The following PSMA1 variants were observed in gnomAD, a reference collection of about 807,000 sequenced individuals.
PSMA1 encodes proteasome subunit alpha type-1.
A neutral mutation model predicts 38.4 loss-of-function variants in PSMA1; 3 were observed. The ratio of observed to expected loss-of-function variants is 0.08; its 90% CI spans 0.04 to 0.20. The LOEUF is 0.20. Among genes scored for constraint, PSMA1 ranks in the 10% least tolerant of loss-of-function variants. PSMA1 has a pLI of 1.00. For missense variants in PSMA1, 227 were observed against 325.3 expected, an observed-to-expected ratio of 0.70 and a Z score of 2.32; for synonymous variants, 101 against 107.1, an observed-to-expected ratio of 0.94 and a Z score of 0.35.
chr11:14,642,206 G>A (rs1185171403), intron 1 of PSMA1, among the ~76,000 whole-genome samples: 1 of 152,118 alleles, frequency 6.6e-6, no homozygotes, highest in Non-Finnish European at 1.5e-5. Flanking sequence ...AATAATGCTG[G>A]TGCTAGTTTT....
intron 2 of PSMA1, among the ~76,000 whole-genome samples, chr11:14,552,173 C>A (rs1851892887): frequency 6.6e-6 from 1 of 152,134 alleles, no homozygotes; most frequent in Non-Finnish European, 1.5e-5. Flanking sequence ...AGAAAGATAG[C>A]AAGACCTCAG....
At chr11:14,508,762 G>C (rs575170203) in intron 8 of PSMA1, among the ~76,000 whole-genome samples, 2 of 152,210 alleles carry the variant, frequency 1.3e-5, no homozygotes, top group African/African-American at 4.8e-5. Context: ...TCCACTATCA[G>C]GTTTTTGCCT....
chr11:14,570,116 A>G (rs1852120134), intron 2 of PSMA1, among the ~76,000 whole-genome samples: 1 of 152,234 alleles, frequency 6.6e-6, no homozygotes. Flanking sequence ...GTGGACCTCC[A>G]GCAAACTCCA....
chr11:14,614,564 T>A (rs2134200244), intron 1 of PSMA1, among the ~76,000 whole-genome samples: 1 of 152,238 alleles, frequency 6.6e-6, no homozygotes, highest in African/African-American at 2.4e-5. Context: ...ATCCATGCAG[T>A]CTCACACAAA....
chr11:14,560,270 T>C lies in PSMA1; in HGVS notation c.22-41229A>G, dbSNP rs114190322. ...CAAGTTCCAGGAACAGTTCCTCCAG[T>C]ATCCTGGTTAGACTCTTTTTTCTGG... is the stretch of plus-strand genomic sequence containing the variant. On this transcript the variant is annotated intron_variant, in intron 2 of 10. Transcript: ENST00000418988. Among the ~76,000 whole-genome samples, 833 of 152,300 alleles carry C rather than the reference T, an allele frequency of 5.5e-3. 8 individuals carry two copies. Among genetic ancestry groups the C allele is most frequent in the African/African-American group, 0.019 (799 of 41,560 alleles).
At chr11:14,542,574 TTTGGAA>T (rs1232084979) in intron 2 of PSMA1, among the ~76,000 whole-genome samples, 1 of 152,240 alleles carries the variant, frequency 6.6e-6, no homozygotes. Flanking sequence ...AATGGCTTCC[TTTGGAA>T]GAAAAATAAC....
chr11:14,630,480 T>G (rs11529566), intron 1 of PSMA1, among the ~76,000 whole-genome samples: 18,633 of 152,116 alleles, frequency 0.12, 1,417 homozygotes, highest in African/African-American at 0.22. Context: ...TTGATTTGCG[T>G]ATATTGAACC....
At chr11:14,601,001 TAAAG>T (rs906353577) in intron 2 of PSMA1, among the ~76,000 whole-genome samples, 45 of 152,354 alleles carry the variant, frequency 3.0e-4, no homozygotes, top group African/African-American at 1.0e-3. Flanking sequence ...GAAGCACTGT[TAAAG>T]AAATTAAAGT....
chr11:14,560,163 C>G (rs2134172680), intron 2 of PSMA1, among the ~76,000 whole-genome samples: 1 of 152,284 alleles, frequency 6.6e-6, no homozygotes, highest in African/African-American at 2.4e-5. Context: ...GAATGACTGC[C>G]TTAATCCAAC....
intron 2 of PSMA1, among the ~76,000 whole-genome samples, chr11:14,530,113 A>G (rs940433204): frequency 2.0e-5 from 3 of 152,174 alleles, no homozygotes; most frequent in African/African-American, 7.2e-5. Flanking sequence ...TATGAGTCAG[A>G]CACTAGTCCA....
At chr11:14,531,718 C>G (rs917129975) in intron 2 of PSMA1, among the ~76,000 whole-genome samples, 8 of 152,114 alleles carry the variant, frequency 5.3e-5, no homozygotes, top group African/African-American at 1.9e-4. Context: ...TCTTCACCTC[C>G]CAAAGTGCTG....
intron 2 of PSMA1, among the ~76,000 whole-genome samples, chr11:14,552,554 A>C (rs988711753): frequency 2.0e-5 from 3 of 152,194 alleles, no homozygotes; most frequent in African/African-American, 7.2e-5. Flanking sequence ...TAAGGGCAAG[A>C]CAATTACTCT....
At chr11:14,519,093 A>T (rs753956813) in intron 1 of PSMA1, 52 bp from the exon 2 acceptor site, 10 of 1,353,712 alleles carry the variant, frequency 7.4e-6, no homozygotes, top group Admixed American at 1.8e-5. Context: ...TTCAAATCCC[A>T]ACTCTTAACA....
chr11:14,591,257 G>A (rs752154365), intron 2 of PSMA1, among the ~76,000 whole-genome samples: 23 of 152,342 alleles, frequency 1.5e-4, no homozygotes, highest in Non-Finnish European at 2.6e-4. Flanking sequence ...CCAGCCCACC[G>A]GCGCTACGCT....
At chr11:14,623,473 T>C (rs1398196770) in intron 1 of PSMA1, among the ~76,000 whole-genome samples, 1 of 152,112 alleles carries the variant, frequency 6.6e-6, no homozygotes, top group East Asian at 1.9e-4. Flanking sequence ...TATATAGACT[T>C]GGGAAATAGC....
intron 2 of PSMA1, among the ~76,000 whole-genome samples, chr11:14,554,154 G>T (rs964328545): frequency 6.6e-6 from 1 of 152,044 alleles, no homozygotes; most frequent in African/African-American, 2.4e-5. Context: ...TAATTAGATT[G>T]TTTCCTTGAT....
rs532560095 is a variant in PSMA1, at chr11:14,513,801, T to C, written c.414+16A>G. ...AAAAAAAATCATTAACATATAACAATATTCAATGAACTTACATCATAACCA... is the reference window on the plus strand; with the variant it reads ...AAAAAAAATCATTAACATATAACAACATTCAATGAACTTACATCATAACCA... On this transcript the variant is annotated intron_variant, in intron 6 of 9. Transcript: ENST00000396394. 2.5e-6 allele frequency: 4 copies of C among 1,570,316 alleles called. No homozygotes were observed. The highest frequency in any genetic ancestry group is 4.1e-5 in the Admixed American group (2 of 48,798).
At chr11:14,633,192 C>T (rs1193451568) in intron 1 of PSMA1, among the ~76,000 whole-genome samples, 1 of 151,702 alleles carries the variant, frequency 6.6e-6, no homozygotes, top group African/African-American at 2.4e-5. Context: ...AACTGCGTTC[C>T]TTTGGAGGAG....
intron 2 of PSMA1, among the ~76,000 whole-genome samples, chr11:14,599,601 G>A (rs1401647411): frequency 6.6e-6 from 1 of 152,100 alleles, no homozygotes; most frequent in African/African-American, 2.4e-5. Flanking sequence ...GGTCATTTAA[G>A]GTCTTCTCTC....
Sources: gnomAD v4.1 joint callset for allele counts (sites outside exome capture counted in the v4.1 genomes callset) on GRCh38, gnomAD v4.1.1 for gene constraint, MANE v1.5 for transcripts, NCBI Gene and HGNC (gene_info 2026-07-23, HGNC 2026-07-21) for gene names.